Variants in KIF3C observed in about 807,000 individuals in gnomAD.
KIF3C encodes the protein kinesin-like protein KIF3C.
In KIF3C, 12 loss-of-function variants were observed where a neutral mutation model predicts 67.7. The ratio of observed to expected loss-of-function variants is 0.18; its 90% CI spans 0.11 to 0.29. The LOEUF (loss-of-function observed/expected upper bound fraction) is 0.29. Among genes scored for constraint, KIF3C ranks in the 10% least tolerant of loss-of-function variants. KIF3C has a pLI of 1.00. For missense variants in KIF3C, 789 were observed against 1,059.6 expected (o/e 0.74, Z 3.55); for synonymous variants, 393 against 426.2 (o/e 0.92, Z 0.96).
At chr2:25,967,703 G>C (rs1443792192) in intron 1 of KIF3C, among the ~76,000 whole-genome samples, 1 of 152,166 alleles carries the variant, frequency 6.6e-6, no homozygotes, top group Non-Finnish European at 1.5e-5. Flanking sequence ...TTCCATCTCT[G>C]TAATCTCATC....
At chr2:25,947,128 C>A (rs1462751769) in intron 5 of KIF3C, among the ~76,000 whole-genome samples, 1 of 152,026 alleles carries the variant, frequency 6.6e-6, no homozygotes, top group African/African-American at 2.4e-5. Context: ...GCACTCCAGC[C>A]TGGGCAACAA....
intron 1 of KIF3C, among the ~76,000 whole-genome samples, chr2:25,975,336 A>AT (rs1170519719): frequency 6.6e-6 from 1 of 151,832 alleles, no homozygotes; most frequent in African/African-American, 2.4e-5. Flanking sequence ...AATTTTTTGT[A>AT]TTTTTTGTCA....
At chr2:25,975,026 C>CAAAAAAAAAAAAAAAAAAAAA (rs1196962529) in intron 1 of KIF3C, among the ~76,000 whole-genome samples, 4 of 116,508 alleles carry the variant, frequency 3.4e-5, no homozygotes, top group Non-Finnish European at 7.0e-5. Flanking sequence ...AACTCCATCT[C>CAAAAAAAAAAAAAAAAAAAAA]AAAAAAAAAA....
At position 25,929,327 on chromosome 2, in the gene KIF3C, T is replaced by C. The variant is rs571496527; in HGVS notation, c.2266A>G (p.Lys756Glu). The C allele has an allele frequency of 6.2e-7, 1 of 1,614,126 alleles. No homozygotes were observed. Among genetic ancestry groups the C allele is most frequent in the South Asian group, 1.1e-5 (1 of 91,074 alleles). The change falls in exon 7 of 8, where the codon AAA becomes GAA. Residue 756 changes from lysine to glutamate, a missense_variant. Coordinates refer to ENST00000264712, the MANE Select transcript of KIF3C (RefSeq NM_002254.8). ...DSFLERPSTSKVRKSRSWCQS... is the reference protein window; with the variant it reads ...DSFLERPSTSEVRKSRSWCQS... ...GACCAGGATCTGGACTTTCGGACTT[T>C]AGACGTGGAAGGTCTTTCCAGAAAG...
intron 1 of KIF3C, among the ~76,000 whole-genome samples, chr2:25,977,511 C>T (rs1664447226): frequency 6.6e-6 from 1 of 152,104 alleles, no homozygotes. Flanking sequence ...CAGCAAGCTG[C>T]AGGGTTATGG....
chr2:25,969,491 A>C (rs1664226032), intron 1 of KIF3C, among the ~76,000 whole-genome samples: 1 of 152,170 alleles, frequency 6.6e-6, no homozygotes, highest in Non-Finnish European at 1.5e-5. Flanking sequence ...AAAAAATAAA[A>C]AAAAGTCCCA....
rs1491257832 is a variant in KIF3C at position 25,962,825 on chromosome 2, A to ATT, written c.1546-6382_1546-6381insAA. On this transcript the variant is annotated intron_variant, in intron 1 of 7. Transcript: ENST00000264712. The stretch of plus-strand genomic sequence containing the variant: ...ATAATATATAATATATATAATATAT[A>ATT]AAATATATAAAATATATAATATATA... 2.0e-3 allele frequency among the ~76,000 whole-genome samples: 130 copies of ATT among 66,330 alleles called. 9 individuals are homozygous for ATT. The highest frequency in any genetic ancestry group is 9.9e-3 in the African/African-American group (124 of 12,552). 43.5% of individuals were successfully genotyped at this position (66,330 alleles called of 152,430 possible).
Position 25,980,857 on chromosome 2 carries a change from G to C in KIF3C, c.1061C>G (p.Ser354Cys). 1 of 1,614,204 alleles carries C rather than the reference G, an allele frequency of 6.2e-7. No individual in the cohort carries two copies. Among genetic ancestry groups the C allele is most frequent in the African/African-American group, 1.3e-5 (1 of 75,054 alleles). Residue 354 changes from serine (S) to cysteine (C), a missense_variant, in exon 1 of 8, where the codon TCC (serine) becomes TGC (cysteine). This residue lies in a region of KIF3C where 648 missense variants were observed against 807.8 expected (regional missense o/e 0.80). Transcript: ENST00000264712. The surrounding 1 kb of genome is among the most constrained non-coding windows in gnomAD (Gnocchi z 7.6). ...GGCTCGGTTGGCAAAGCGCAAGGTG[G>C]AGAGGCTCTCATCGTAGCTGTGAGA... is the stretch of plus-strand genomic sequence containing the variant. ...PASHSYDESLSTLRFANRAKN... is the reference protein window; with the variant it reads ...PASHSYDESLCTLRFANRAKN...
intron 4 of KIF3C, among the ~76,000 whole-genome samples, chr2:25,952,557 A>ATTTTTTTTTTTT (rs1553714915): frequency 8.0e-6 from 1 of 125,584 alleles, no homozygotes; most frequent in Non-Finnish European, 1.5e-5. Flanking sequence ...GTGTATATAT[A>ATTTTTTTTTTTT]TATATATTTT....
chr2:25,967,657 T>A (rs1341853113), intron 1 of KIF3C, among the ~76,000 whole-genome samples: 2 of 152,140 alleles, frequency 1.3e-5, no homozygotes, highest in African/African-American at 4.8e-5. Flanking sequence ...ACATTTATTT[T>A]AAAAATTAGC....
intron 1 of KIF3C, among the ~76,000 whole-genome samples, chr2:25,959,864 C>T (rs925440940): frequency 6.6e-6 from 1 of 152,116 alleles, no homozygotes; most frequent in Non-Finnish European, 1.5e-5. Flanking sequence ...AAGAGAAGAA[C>T]CACATGGAGG....
rs1053373668 is a variant in KIF3C at position 25,982,491 on chromosome 2, G to C, written c.-574C>G. Reference sequence around the variant, plus strand: ...GCCGCCGCCACTGGAGAATGAGAGAGAAAAACAGAAGGGGATGGGGCGGAG... The same window carrying C: ...GCCGCCGCCACTGGAGAATGAGAGACAAAAACAGAAGGGGATGGGGCGGAG... On this transcript the variant is annotated 5_prime_UTR_variant, in exon 1 of 8. Transcript: ENST00000264712. 5.0e-6 allele frequency: 2 copies of C among 396,458 alleles called. No individual in the cohort carries two copies. The highest frequency in any genetic ancestry group is 8.9e-6 in the Non-Finnish European group (2 of 225,094). The allele number at this position is 396,458 out of a possible 1,614,324, so 24.6% of individuals were successfully genotyped here.
chr2:25,954,167 T>G, intron 4 of KIF3C, 100 bp downstream of exon 4: 2 of 854,070 alleles, frequency 2.3e-6, no homozygotes, highest in Non-Finnish European at 4.0e-6. Flanking sequence ...AAAGGACTCA[T>G]GGGAGAGGAG....
rs2149219973 is a variant in KIF3C at position 25,929,079 on chromosome 2, G to A, written c.2289-8C>T. On this transcript the variant is annotated splice_polypyrimidine_tract_variant and splice_region_variant and intron_variant, in intron 7 of 7. Coordinates refer to ENST00000264712, the MANE Select transcript of KIF3C (RefSeq NM_002254.8). ...CGCTGAGGACTCTGGCACCTGCAGGGGAGATGACGCAGGCGAAAGGGGAGG... is the reference window on the plus strand; with the variant it reads ...CGCTGAGGACTCTGGCACCTGCAGGAGAGATGACGCAGGCGAAAGGGGAGG... 1 of 1,611,942 alleles carries A rather than the reference G, an allele frequency of 6.2e-7. No individual in the cohort carries two copies. The highest frequency in any genetic ancestry group is 8.5e-7 in the Non-Finnish European group (1 of 1,178,426).
At chr2:25,971,883 T>TTTTTTTTTTTC (rs1559557785) in intron 1 of KIF3C, among the ~76,000 whole-genome samples, 10 of 139,308 alleles carry the variant, frequency 7.2e-5, no homozygotes, top group Non-Finnish European at 1.6e-4. Context: ...TTTTTTTTTT[T>TTTTTTTTTTTC]TTTTTTTTTT....
intron 7 of KIF3C, 29 bp from the exon 8 acceptor site, chr2:25,929,100 G>C (rs200972744): frequency 6.3e-7 from 1 of 1,587,034 alleles, no homozygotes; most frequent in African/African-American, 1.3e-5. Flanking sequence ...AGGCGAAAGG[G>C]GAGGTTAGGG....
intron 1 of KIF3C, among the ~76,000 whole-genome samples, chr2:25,965,564 A>G (rs1413120233): frequency 6.6e-6 from 1 of 151,528 alleles, no homozygotes; most frequent in Non-Finnish European, 1.5e-5. Context: ...TCCAGACTCA[A>G]GAGATCCTCC....
intron 3 of KIF3C, among the ~76,000 whole-genome samples, chr2:25,954,699 A>C (rs1663761902): frequency 6.6e-6 from 1 of 152,174 alleles, no homozygotes; most frequent in Non-Finnish European, 1.5e-5. Flanking sequence ...CCTTTCATAG[A>C]TGAGGAAGCC....
rs1181566954 is a variant in KIF3C, at chr2:25,962,850, A to T, written c.1546-6406T>A. On this transcript the variant is annotated intron_variant, in intron 1 of 7. Coordinates refer to ENST00000264712, the MANE Select transcript of KIF3C (RefSeq NM_002254.8). ...AAAATATATAAAATATATAATATATAATATAATATATAATATATATAATAT... is the reference window on the plus strand; with the variant it reads ...AAAATATATAAAATATATAATATATTATATAATATATAATATATATAATAT... 6.3e-4 allele frequency among the ~76,000 whole-genome samples: 35 copies of T among 55,590 alleles called. 4 individuals are homozygous for T. Among genetic ancestry groups the T allele is most frequent in the African/African-American group, 3.4e-3 (33 of 9,722 alleles). 36.5% of individuals were successfully genotyped at this position (55,590 alleles called of 152,430 possible).
Sources: gnomAD v4.1 joint callset for allele counts (sites outside exome capture counted in the v4.1 genomes callset) on GRCh38, gnomAD v4.1.1 for gene constraint, gnomAD v4.1.1 regional missense constraint, Gnocchi (gnomAD v3.1) non-coding constraint, MANE v1.5 for transcripts, NCBI Gene and HGNC (gene_info 2026-07-23, HGNC 2026-07-21) for gene names.